The following PLEKHO2 variants were observed in gnomAD, a reference collection of about 807,000 sequenced individuals.
PLEKHO2 encodes the protein pleckstrin homology domain-containing family O member 2.
PLEKHO2 carries 20 observed loss-of-function variants against 32.7 expected under a neutral mutation model. The ratio of observed to expected loss-of-function variants is 0.61; its 90% CI spans 0.43 to 0.89. PLEKHO2 has a LOEUF of 0.89. Ranked by LOEUF, PLEKHO2 falls within the 40% of genes least tolerant of loss-of-function variation. PLEKHO2 has a pLI of 0.00. For synonymous variants in PLEKHO2, 247 were observed against 246.3 expected, an observed-to-expected ratio of 1.00 and a Z score of -0.03; for missense variants, 568 against 621.2, an observed-to-expected ratio of 0.91 and a Z score of 0.91.
intron 2 of PLEKHO2, among the ~76,000 whole-genome samples, chr15:64,854,054 G>A (rs1479136021): frequency 6.6e-6 from 1 of 152,214 alleles, no homozygotes; most frequent in East Asian, 1.9e-4. Context: ...CCACACCCAG[G>A]AAGTTGTTCC....
chr15:64,847,575 C>G (rs2084532269), intron 1 of PLEKHO2, among the ~76,000 whole-genome samples: 1 of 152,112 alleles, frequency 6.6e-6, no homozygotes, highest in Non-Finnish European at 1.5e-5. Context: ...GCTGGGGACC[C>G]AGAAGTGGAT....
intron 5 of PLEKHO2, among the ~76,000 whole-genome samples, chr15:64,862,297 G>A (rs1192185513): frequency 6.6e-6 from 1 of 152,034 alleles, no homozygotes; most frequent in Non-Finnish European, 1.5e-5. Flanking sequence ...AAGGAGGTGG[G>A]GGAGGCGGCT....
chr15:64,863,747 C>CTTTT (rs71133492), intron 5 of PLEKHO2, among the ~76,000 whole-genome samples: 1 of 142,716 alleles, frequency 7.0e-6, no homozygotes, highest in Admixed American at 6.9e-5. Flanking sequence ...GCGAGACCCC[C>CTTTT]TTTTTTTTTT....
At chr15:64,859,422 T>G (rs1400773483) in intron 3 of PLEKHO2, among the ~76,000 whole-genome samples, 1 of 152,102 alleles carries the variant, frequency 6.6e-6, no homozygotes, top group African/African-American at 2.4e-5. Context: ...TTCCATGACC[T>G]CACTCCTTCC....
intron 3 of PLEKHO2, among the ~76,000 whole-genome samples, 181 bp downstream of exon 3, chr15:64,855,218 C>G (rs912309507): frequency 1.1e-4 from 17 of 152,234 alleles, no homozygotes; most frequent in Admixed American, 6.5e-5. Context: ...CGGAATCTTC[C>G]AAGCCCCTAG....
intron 2 of PLEKHO2, among the ~76,000 whole-genome samples, chr15:64,849,424 G>A (rs1232585014): frequency 9.3e-5 from 14 of 149,784 alleles, no homozygotes; most frequent in South Asian, 2.1e-4. Flanking sequence ...GGGATTATAG[G>A]TGTGAGCCAC....
At chr15:64,848,539 A>G (rs890455038) in intron 1 of PLEKHO2, 54 bp from the exon 2 acceptor site, 1 of 1,607,474 alleles carries the variant, frequency 6.2e-7, no homozygotes, top group Non-Finnish European at 8.5e-7. Context: ...TGAACCTGTG[A>G]CCTGTGACCC....
In PLEKHO2 at chr15:64,859,998, G is replaced by A. The variant is rs201497536; in HGVS notation, c.384G>A (p.Glu128=). The A allele has an allele frequency of 6.2e-7, 1 of 1,613,292 alleles. No individual in the cohort carries two copies. The part of the protein sequence containing the change: ...INRGKNKAFD[E]VKVDKSCALE... ...GAGGCAAAAACAAGGCTTTCGATGA[G>A]GTGCGATGCAGTCTGTGGACATGGA... The change falls in exon 4 of 6, where the codon GAG becomes GAA. Residue 128 remains glutamate (E), a splice_region_variant and synonymous_variant. Transcript: ENST00000323544.
In PLEKHO2 at chr15:64,842,375, ACTCTCTCTCT is replaced by A. The variant is rs113444184; in HGVS notation, c.12+354_12+363del. On this transcript the variant is annotated intron_variant, in intron 1 of 5. Transcript: ENST00000323544. ...CCCCGATTACCGTGGTCGGATCCTGACTCTCTCTCTCTCTCTGTGTGTGTGTGTGTGTGTG... is the reference window on the plus strand; with the variant it reads ...CCCCGATTACCGTGGTCGGATCCTGACTCTCTGTGTGTGTGTGTGTGTGTG... Among the ~76,000 whole-genome samples the A allele has an allele frequency of 9.1e-3, 1,245 of 136,264 alleles. 44 individuals carry two copies. The highest frequency in any genetic ancestry group is 0.021 in the South Asian group (92 of 4,328). 89.4% of individuals were successfully genotyped at this position (136,264 alleles called of 152,430 possible).
At position 64,841,984 on chromosome 15, in the gene PLEKHO2, G is replaced by T; in HGVS notation, c.-33G>T. On this transcript the variant is annotated 5_prime_UTR_variant, in exon 1 of 6. Transcript: ENST00000323544. The stretch of plus-strand genomic sequence containing the variant: ...AGAGCCCGCGCGGCGCTGGAAGCGA[G>T]TGGCGGAGCGGCGGGACCTCGGCGG... 8.0e-7 allele frequency: 1 copy of T among 1,247,488 alleles called. No homozygotes were observed. The allele number at this position is 1,247,488 out of a possible 1,614,324, so 77.3% of individuals were successfully genotyped here. A position where few individuals can be genotyped will look rare whatever the true frequency, so the allele number is the denominator to read the frequency against.
chr15:64,844,611 C>G (rs1354805391), intron 1 of PLEKHO2, among the ~76,000 whole-genome samples: 2 of 152,114 alleles, frequency 1.3e-5, no homozygotes, highest in East Asian at 3.8e-4. Context: ...GTGTCCTGTC[C>G]CAGTACTGTT....
chr15:64,861,637 G>A lies in PLEKHO2; in HGVS notation c.483+62G>A, dbSNP rs138809881. ...GAGCCTAGGACCTCAGCTCCTCTGG[G>A]CGGCAGCCAGGCTTGGGGCCACATT... is the stretch of plus-strand genomic sequence containing the variant. On this transcript the variant is annotated intron_variant, in intron 5 of 5. Coordinates refer to ENST00000323544, the MANE Select transcript of PLEKHO2 (RefSeq NM_025201.5). The A allele has an allele frequency of 1.4e-3, 1,910 of 1,384,490 alleles. 4 individuals carry two copies. Among genetic ancestry groups the A allele is most frequent in the Non-Finnish European group, 1.7e-3 (1,801 of 1,031,500 alleles). The allele number at this position is 1,384,490 out of a possible 1,614,324, so 85.8% of individuals were successfully genotyped here.
intron 2 of PLEKHO2, 29 bp from the exon 3 acceptor site, chr15:64,854,892 G>A: frequency 6.4e-7 from 1 of 1,568,668 alleles, no homozygotes; most frequent in Non-Finnish European, 8.8e-7. Context: ...ACTGTCACCA[G>A]CTCATGTCCC....
At chr15:64,859,453 T>C (rs894678584) in intron 3 of PLEKHO2, among the ~76,000 whole-genome samples, 4 of 152,152 alleles carry the variant, frequency 2.6e-5, no homozygotes, top group Non-Finnish European at 5.9e-5. Context: ...TGTCTGGCCA[T>C]TGGGCCTGGC....
In PLEKHO2 at chr15:64,865,950, C is replaced by A; in HGVS notation, c.*62C>A. 6.5e-7 allele frequency: 1 copy of A among 1,530,558 alleles called. No homozygotes were observed. Among genetic ancestry groups the A allele is most frequent in the Non-Finnish European group, 8.7e-7 (1 of 1,143,776 alleles). The allele number at this position is 1,530,558 out of a possible 1,614,324, so 94.8% of individuals were successfully genotyped here. On this transcript the variant is annotated 3_prime_UTR_variant, in exon 6 of 6. Transcript: ENST00000323544. ...TCCATCAAGTCCATCAAGGCCCAGCCCTGCTGAGAAATGTGCTTCTGCTTC... is the reference window on the plus strand; with the variant it reads ...TCCATCAAGTCCATCAAGGCCCAGCACTGCTGAGAAATGTGCTTCTGCTTC...
At chr15:64,848,516 C>A in intron 1 of PLEKHO2, 77 bp from the exon 2 acceptor site, 1 of 1,560,210 alleles carries the variant, frequency 6.4e-7, no homozygotes, top group Non-Finnish European at 8.8e-7. Context: ...GGACACATCC[C>A]TTGTGTGACC....
chr15:64,863,554 G>A (rs1192805388), intron 5 of PLEKHO2, among the ~76,000 whole-genome samples: 2 of 140,632 alleles, frequency 1.4e-5, no homozygotes, highest in African/African-American at 5.9e-5. Flanking sequence ...TGTGTGTGTG[G>A]TGTGTTAGGG....
chr15:64,859,923 C>A lies in PLEKHO2; in HGVS notation c.309C>A (p.Thr103=), dbSNP rs146324018. 8 of 1,614,034 alleles carry A rather than the reference C, an allele frequency of 5.0e-6. No individual in the cohort carries two copies. The African/African-American group carries it at 1.1e-4, about 22-fold the overall frequency. ...GCGACATCAAATTCCAGGCACCCAC[C>A]GGGGAGGAGAAGGAATCCTGGATCA... ...KVSDIKFQAP[T]GEEKESWIKA... Residue 103 remains threonine, a synonymous_variant, in exon 4 of 6, where the codon ACC becomes ACA. Transcript: ENST00000323544.
intron 1 of PLEKHO2, among the ~76,000 whole-genome samples, chr15:64,842,425 G>A (rs953961298): frequency 3.7e-5 from 5 of 133,482 alleles, no homozygotes; most frequent in African/African-American, 1.6e-4. Flanking sequence ...TGTGTGTGTC[G>A]GATCCTGACT....
Sources: gnomAD v4.1 joint callset for allele counts (sites outside exome capture counted in the v4.1 genomes callset) on GRCh38, gnomAD v4.1.1 for gene constraint, MANE v1.5 for transcripts, NCBI Gene and HGNC (gene_info 2026-07-23, HGNC 2026-07-21) for gene names.